NPY5R: variants seen among roughly 807,000 people sequenced by gnomAD.
The protein encoded by NPY5R is neuropeptide Y receptor type 5.
In NPY5R, 21 loss-of-function variants were observed where a neutral mutation model predicts 24.8. The ratio of observed to expected loss-of-function variants is 0.85; its 90% CI spans 0.60 to 1.22. NPY5R has a LOEUF of 1.22. Ranked by LOEUF, NPY5R falls within the 50% of genes most tolerant of loss-of-function variation. NPY5R has a pLI of 0.00. For missense variants in NPY5R, 481 were observed against 521.3 expected, an observed-to-expected ratio of 0.92 and a Z score of 0.75; for synonymous variants, 175 against 183.0, an observed-to-expected ratio of 0.96 and a Z score of 0.35.
chr4:163,345,258 C>T (rs1735182966), intron 1 of NPY5R: 1 of 152,140 alleles, frequency 6.6e-6, no homozygotes, highest in African/African-American at 2.4e-5. Context: ...TATCTACTTT[C>T]TTAAAATACT....
chr4:163,352,381 T>C (rs1735526545), downstream of NPY5R, among the ~76,000 whole-genome samples: 1 of 152,202 alleles, frequency 6.6e-6, no homozygotes, highest in Non-Finnish European at 1.5e-5. Flanking sequence ...GTATTTCCAA[T>C]TATTAAATAA....
chr4:163,351,425 A>G lies in NPY5R; in HGVS notation c.1152A>G (p.Leu384=), dbSNP rs773902456. The part of the protein sequence containing the change: ...ILVFAVSWMP[L]HLFHVVTDFN... ...TATTTGCTGTTAGTTGGATGCCACT[A>G]CACCTTTTCCATGTGGTAACTGATT... Residue 384 remains leucine, a synonymous_variant, in exon 4 of 4, where the codon CTA becomes CTG. Coordinates refer to ENST00000338566, the MANE Select transcript of NPY5R (RefSeq NM_006174.4). The G allele has an allele frequency of 4.3e-6, 7 of 1,613,214 alleles. No homozygotes were observed. The highest frequency in any genetic ancestry group is 5.9e-6 in the Non-Finnish European group (7 of 1,179,408).
chr4:163,345,715 T>A lies in NPY5R; in HGVS notation c.-119T>A, dbSNP rs1735207730. 6.6e-6 allele frequency: 1 copy of A among 152,150 alleles called. No individual in the cohort carries two copies. Among genetic ancestry groups the A allele is most frequent in the Non-Finnish European group, 1.5e-5 (1 of 68,014 alleles). 9.4% of individuals were successfully genotyped at this position (152,150 alleles called of 1,614,324 possible). On this transcript the variant is annotated splice_region_variant and 5_prime_UTR_variant, in exon 2 of 4. Transcript: ENST00000338566. ...TTGAAATTTGGATTTCCATTGTAGG[T>A]CTGCTCATTGTGTTTTTCAGGAAAA...
In NPY5R at chr4:163,350,447, G is replaced by T; in HGVS notation, c.174G>T (p.Gly58=). 1 of 1,613,776 alleles carries T rather than the reference G, an allele frequency of 6.2e-7. No homozygotes were observed. Among genetic ancestry groups the T allele is most frequent in the Non-Finnish European group, 8.5e-7 (1 of 1,179,736 alleles). Reference sequence around the variant, plus strand: ...TTGTAAGTCTTCTTGGCTTTATGGGGAATCTACTTATTTTAATGGCTCTCA... The same window carrying T: ...TTGTAAGTCTTCTTGGCTTTATGGGTAATCTACTTATTTTAATGGCTCTCA... ...YTFVSLLGFM[G]NLLILMALMK... Residue 58 remains glycine, a synonymous_variant, in exon 4 of 4, where the codon GGG becomes GGT. Coordinates refer to ENST00000338566, the MANE Select transcript of NPY5R (RefSeq NM_006174.4).
Position 163,345,423 on chromosome 4 carries a change from A to C in NPY5R, c.-120-291A>C, listed in dbSNP as rs2110843921. On this transcript the variant is annotated intron_variant, in intron 1 of 3. Coordinates refer to ENST00000338566, the MANE Select transcript of NPY5R (RefSeq NM_006174.4). ...TTTCACACTTTTTACTCAGAGATTA[A>C]AGTTCTGTGTTTCAGCCTGGAAATT... The C allele has an allele frequency of 1.3e-5, 2 of 152,296 alleles. 1 individual carries two copies. Among genetic ancestry groups the C allele is most frequent in the South Asian group, 4.1e-4 (2 of 4,828 alleles). The allele number at this position is 152,296 out of a possible 1,614,324, so 9.4% of individuals were successfully genotyped here. A position where few individuals can be genotyped will look rare whatever the true frequency, so the allele number is the denominator to read the frequency against.
intron 3 of NPY5R, among the ~76,000 whole-genome samples, chr4:163,348,690 T>A (rs1274921613): frequency 6.6e-6 from 1 of 151,724 alleles, no homozygotes; most frequent in Non-Finnish European, 1.5e-5. Flanking sequence ...CTTTTTTTTT[T>A]AAACGAGAGG....
At chr4:163,349,883 G>A (rs1481775082) in intron 3 of NPY5R, among the ~76,000 whole-genome samples, 5 of 152,206 alleles carry the variant, frequency 3.3e-5, no homozygotes, top group Admixed American at 1.3e-4. Flanking sequence ...TTGGGAGGCC[G>A]AGGCGGGCGG....
chr4:163,347,401 A>C (rs1252539822), intron 2 of NPY5R, 51 bp from the exon 3 acceptor site: 1 of 152,220 alleles, frequency 6.6e-6, no homozygotes, highest in Non-Finnish European at 1.5e-5. Context: ...CCAAAAAGGC[A>C]CAAAGCCGTT....
intron 3 of NPY5R, 51 bp from the exon 4 acceptor site, chr4:163,350,214 G>C: frequency 7.4e-7 from 1 of 1,355,296 alleles, no homozygotes; most frequent in Non-Finnish European, 1.0e-6. Context: ...ATTTAAAGTA[G>C]TCATGTAATG....
chr4:163,350,166 A>C, intron 3 of NPY5R, 99 bp from the exon 4 acceptor site: 8 of 617,674 alleles, frequency 1.3e-5, no homozygotes, highest in Non-Finnish European at 2.1e-5. Context: ...AGGTCACGGG[A>C]GCTGATTGTA....
Position 163,351,383 on chromosome 4 carries a change from G to T in NPY5R, c.1110G>T (p.Leu370=). 6.2e-7 allele frequency: 1 copy of T among 1,612,976 alleles called. No individual in the cohort carries two copies. The highest frequency in any genetic ancestry group is 1.1e-5 in the South Asian group (1 of 91,036). The change falls in exon 4 of 4, where the codon CTG becomes CTT. Residue 370 remains leucine (L), a synonymous_variant. Transcript: ENST00000338566. ...KKRSRSVFYR[L]TILILVFAVS... ...GATCTCGAAGTGTTTTCTACAGACT[G>T]ACCATACTGATATTAGTATTTGCTG...
chr4:163,350,562 T>G lies in NPY5R; in HGVS notation c.289T>G (p.Phe97Val). The change falls in exon 4 of 4, where the codon TTC (phenylalanine) becomes GTC (valine). Residue 97 changes from phenylalanine to valine, a missense_variant. Coordinates refer to ENST00000338566, the MANE Select transcript of NPY5R (RefSeq NM_006174.4). ...CTTGGTTGTGCTGTTTTGCTCACCTTTCACACTGACGTCTGTCTTGCTGGA... is the reference window on the plus strand; with the variant it reads ...CTTGGTTGTGCTGTTTTGCTCACCTGTCACACTGACGTCTGTCTTGCTGGA... ...DILVVLFCSPFTLTSVLLDQW... is the reference protein window; with the variant it reads ...DILVVLFCSPVTLTSVLLDQW... The G allele has an allele frequency of 6.2e-7, 1 of 1,614,218 alleles. No individual in the cohort carries two copies. The highest frequency in any genetic ancestry group is 8.5e-7 in the Non-Finnish European group (1 of 1,180,040).
chr4:163,351,524 C>A lies in NPY5R; in HGVS notation c.1251C>A (p.Ser417=), dbSNP rs1553974120. ...YCICHLLGMM[S]CCLNPILYGF... ...TTTGTCATTTGTTGGGCATGATGTC[C>A]TGTTGTCTTAATCCAATTCTATATG... is the stretch of plus-strand genomic sequence containing the variant. The change falls in exon 4 of 4, where the codon TCC becomes TCA. Residue 417 remains serine (S), a synonymous_variant. Transcript: ENST00000338566. 1 of 1,612,508 alleles carries A rather than the reference C, an allele frequency of 6.2e-7. No individual in the cohort carries two copies. The highest frequency in any genetic ancestry group is 1.1e-5 in the South Asian group (1 of 91,060).
At position 163,351,435 on chromosome 4, in the gene NPY5R, C is replaced by T. The variant is rs868723897; in HGVS notation, c.1162C>T (p.His388Tyr). The stretch of plus-strand genomic sequence containing the variant: ...TAGTTGGATGCCACTACACCTTTTC[C>T]ATGTGGTAACTGATTTTAATGACAA... ...AVSWMPLHLF[H>Y]VVTDFNDNLI... Residue 388 changes from histidine to tyrosine, a missense_variant, in exon 4 of 4, where the codon CAT becomes TAT. Coordinates refer to ENST00000338566, the MANE Select transcript of NPY5R (RefSeq NM_006174.4). The T allele has an allele frequency of 1.2e-6, 2 of 1,613,504 alleles. No individual in the cohort carries two copies. Among genetic ancestry groups the T allele is most frequent in the Non-Finnish European group, 1.7e-6 (2 of 1,179,620 alleles).
At chr4:163,346,011 A>G (rs36227922) in intron 2 of NPY5R, among the ~76,000 whole-genome samples, 13,195 of 150,828 alleles carry the variant, frequency 0.087, 645 homozygotes, top group South Asian at 0.18. Flanking sequence ...TGGAGCAAAG[A>G]TTCACAGAAT....
At position 163,349,252 on chromosome 4, in the gene NPY5R, G is replaced by A. The variant is rs1034607795; in HGVS notation, c.-9-1013G>A. 9 of 571,700 alleles carry A rather than the reference G, an allele frequency of 1.6e-5. No individual in the cohort carries two copies. In the African/African-American group the frequency reaches 1.8e-4, roughly 12 times the overall value. 35.4% of individuals were successfully genotyped at this position (571,700 alleles called of 1,614,324 possible). On this transcript the variant is annotated intron_variant, in intron 3 of 3. Coordinates refer to ENST00000338566, the MANE Select transcript of NPY5R (RefSeq NM_006174.4). Reference sequence around the variant, plus strand: ...AGGTGATATTTGTTACTAGAGTTTTGTTTGAACGTTTTATTCTCTCATAAA... The same window carrying A: ...AGGTGATATTTGTTACTAGAGTTTTATTTGAACGTTTTATTCTCTCATAAA...
intron 1 of NPY5R, 165 bp from the exon 2 acceptor site, chr4:163,345,546 AAAT>A (rs1578951392): frequency 1.3e-5 from 2 of 152,202 alleles, no homozygotes; most frequent in Admixed American, 1.3e-4. Flanking sequence ...ATTTCTTGTC[AAAT>A]AATATTCCAT....
chr4:163,352,284 C>T (rs902955262), downstream of NPY5R, among the ~76,000 whole-genome samples: 3 of 152,126 alleles, frequency 2.0e-5, no homozygotes. Context: ...CCTTTCCAGA[C>T]TCATTATACA....
In NPY5R at chr4:163,351,157, G is replaced by T. The variant is rs376406619; in HGVS notation, c.884G>T (p.Cys295Phe). The change falls in exon 4 of 4, where the codon TGT becomes TTT. Residue 295 changes from cysteine (C) to phenylalanine (F), a missense_variant. By Grantham distance (205) the Cys-to-Phe change is radical (BLOSUM62 -2). Transcript: ENST00000338566. ...HRRRYSKKTACVLPAPERPSQ... is the reference protein window; with the variant it reads ...HRRRYSKKTAFVLPAPERPSQ... The stretch of plus-strand genomic sequence containing the variant: ...AGAAGATATAGCAAGAAGACAGCAT[G>T]TGTGTTACCTGCTCCAGAAAGACCT... 6.2e-7 allele frequency: 1 copy of T among 1,613,936 alleles called. No individual in the cohort carries two copies. Among genetic ancestry groups the T allele is most frequent in the African/African-American group, 1.3e-5 (1 of 74,922 alleles).
Sources: gnomAD v4.1 joint callset for allele counts (sites outside exome capture counted in the v4.1 genomes callset) on GRCh38, gnomAD v4.1.1 for gene constraint, MANE v1.5 for transcripts, NCBI Gene and HGNC (gene_info 2026-07-23, HGNC 2026-07-21) for gene names.